The following ANKRD30BL variants were observed in gnomAD, a reference collection of about 807,000 sequenced individuals.
The protein encoded by ANKRD30BL is putative ankyrin repeat domain-containing protein 30B-like.
ANKRD30BL carries 20 observed loss-of-function variants against 18.4 expected under a neutral mutation model. The ratio of observed to expected loss-of-function variants is 1.09; its 90% confidence interval spans 0.77 to 1.58. The LOEUF (loss-of-function observed/expected upper bound fraction) is 1.58. ANKRD30BL is among the 40% of genes most tolerant of loss of function. The pLI, the probability that ANKRD30BL is intolerant of heterozygous loss-of-function variation, is 0.00. For missense variants in ANKRD30BL, 224 were observed against 268.6 expected, an observed-to-expected ratio of 0.83 and a Z score of 1.16; for synonymous variants, 72 against 100.9, an observed-to-expected ratio of 0.71 and a Z score of 1.72.
chr2:132,256,524 G>T (rs1485767852), intron 1 of ANKRD30BL, among the ~76,000 whole-genome samples: 1 of 152,220 alleles, frequency 6.6e-6, no homozygotes, highest in African/African-American at 2.4e-5. Context: ...GAGGCGGACC[G>T]CGGTGCCTGG....
chr2:132,225,224 C>A (rs1573863702), intron 1 of ANKRD30BL, among the ~76,000 whole-genome samples: 2 of 151,756 alleles, frequency 1.3e-5, no homozygotes, highest in Admixed American at 6.6e-5. Flanking sequence ...CAGAGTTGAT[C>A]CTTTCTTTTG....
At chr2:132,164,733 T>C (rs185545540), upstream of ANKRD30BL, among the ~76,000 whole-genome samples, 1 of 152,312 alleles carries the variant, frequency 6.6e-6, no homozygotes, top group Admixed American at 6.5e-5. Context: ...TTTGTTGTTG[T>C]TGTTGTTTTA....
intron 1 of ANKRD30BL, among the ~76,000 whole-genome samples, chr2:132,207,299 C>T (rs1679229438): frequency 6.6e-6 from 1 of 152,058 alleles, no homozygotes; most frequent in Non-Finnish European, 1.5e-5. Flanking sequence ...AGGAGATAAA[C>T]AAGTGTTTGT....
intron 1 of ANKRD30BL, among the ~76,000 whole-genome samples, chr2:132,248,461 C>A (rs2104805844): frequency 6.6e-6 from 1 of 150,788 alleles, no homozygotes; most frequent in East Asian, 2.0e-4. Flanking sequence ...TTTCACCATA[C>A]CTATCAAAGC....
intron 1 of ANKRD30BL, among the ~76,000 whole-genome samples, chr2:132,191,998 C>T (rs1259896730): frequency 6.6e-6 from 1 of 152,084 alleles, no homozygotes; most frequent in Non-Finnish European, 1.5e-5. Flanking sequence ...CCCACCTTGG[C>T]CTTCCAAAGT....
At chr2:132,162,372 C>T (rs1007049711), upstream of ANKRD30BL, among the ~76,000 whole-genome samples, 2 of 152,214 alleles carry the variant, frequency 1.3e-5, no homozygotes, top group Admixed American at 6.5e-5. Flanking sequence ...GCAGCTGAGC[C>T]CATGGTAGAG....
chr2:132,226,313 T>C (rs1679843030), intron 1 of ANKRD30BL, among the ~76,000 whole-genome samples: 1 of 151,082 alleles, frequency 6.6e-6, no homozygotes, highest in African/African-American at 2.5e-5. Context: ...AAGTGGATTC[T>C]TGGAGCGCTT....
At chr2:132,203,191 A>G (rs1679143156) in intron 1 of ANKRD30BL, among the ~76,000 whole-genome samples, 1 of 152,300 alleles carries the variant, frequency 6.6e-6, no homozygotes, top group African/African-American at 2.4e-5. Flanking sequence ...TGCAAAAGAC[A>G]TAGTGTGCCA....
intron 1 of ANKRD30BL, among the ~76,000 whole-genome samples, chr2:132,225,434 T>C (rs202023147): frequency 6.6e-6 from 1 of 152,122 alleles, no homozygotes; most frequent in African/African-American, 2.4e-5. Flanking sequence ...ACTCTTTTAG[T>C]GGAATCTGCA....
intron 1 of ANKRD30BL, among the ~76,000 whole-genome samples, chr2:132,230,556 T>C (rs1242165206): frequency 1.7e-4 from 26 of 152,062 alleles, no homozygotes; most frequent in Admixed American, 1.7e-3. Context: ...ACATAGCTTT[T>C]CATGGAGCAG....
upstream of ANKRD30BL, among the ~76,000 whole-genome samples, chr2:132,166,724 C>A (rs1283920753): frequency 1.3e-5 from 2 of 151,896 alleles, no homozygotes; most frequent in African/African-American, 4.8e-5. Context: ...TAAATGTTAG[C>A]AAGTTTATGG....
intron 1 of ANKRD30BL, among the ~76,000 whole-genome samples, chr2:132,187,586 T>C (rs1688591188): frequency 6.6e-6 from 1 of 152,084 alleles, no homozygotes; most frequent in African/African-American, 2.4e-5. Flanking sequence ...AATGCTGGGA[T>C]TACAGATGTG....
Position 132,161,668 on chromosome 2 carries a change from G to T in ANKRD30BL, c.38C>A (p.Thr13Lys). ...RLSAAPVKGQ[T>K]GPERPSPFSQ... Reference sequence around the variant, plus strand: ...GAAGGGGCTCGGGCGCTCTGGGCCCGTCTGGCCCTTGACAGGGGCGGCAGA... The same window carrying T: ...GAAGGGGCTCGGGCGCTCTGGGCCCTTCTGGCCCTTGACAGGGGCGGCAGA... The change falls in exon 1 of 6, where the codon ACG (threonine) becomes AAG (lysine). Residue 13 changes from threonine (T) to lysine (K), a missense_variant. This residue lies in a region of ANKRD30BL where 131 missense variants were observed against 128.8 expected (regional missense o/e 1.02). Coordinates refer to ENST00000409867, the MANE Select transcript of ANKRD30BL (RefSeq NM_001358416.1). 2 of 1,448,436 alleles carry T rather than the reference G, an allele frequency of 1.4e-6. No individual in the cohort carries two copies. Among genetic ancestry groups the T allele is most frequent in the Non-Finnish European group, 1.9e-6 (2 of 1,056,492 alleles). 89.7% of individuals were successfully genotyped at this position (1,448,436 alleles called of 1,614,324 possible). A position where few individuals can be genotyped will look rare whatever the true frequency, so the allele number is the denominator to read the frequency against.
At chr2:132,226,436 A>G (rs796424117) in intron 1 of ANKRD30BL, among the ~76,000 whole-genome samples, 1 of 150,432 alleles carries the variant, frequency 6.6e-6, no homozygotes, top group Non-Finnish European at 1.5e-5. Context: ...CTTCCTTTTG[A>G]TTGAGCAGTT....
chr2:132,189,818 A>G (rs2104736997), intron 1 of ANKRD30BL, among the ~76,000 whole-genome samples: 1 of 152,330 alleles, frequency 6.6e-6, no homozygotes, highest in African/African-American at 2.4e-5. Flanking sequence ...TAGTGACATC[A>G]ACTTGTCCCA....
chr2:132,254,803 T>C (rs1573901526), intron 1 of ANKRD30BL, among the ~76,000 whole-genome samples: 1 of 151,842 alleles, frequency 6.6e-6, no homozygotes, highest in African/African-American at 2.4e-5. Context: ...GTCACATAAC[T>C]AGTTGGCATG....
chr2:132,170,361 G>T (rs544772236), intron 1 of ANKRD30BL, among the ~76,000 whole-genome samples: 2 of 152,264 alleles, frequency 1.3e-5, no homozygotes, highest in South Asian at 4.1e-4. Context: ...AGTGAGTCCT[G>T]CTACCCAGCT....
At chr2:132,213,464 G>A (rs1679408446) in intron 1 of ANKRD30BL, among the ~76,000 whole-genome samples, 1 of 151,842 alleles carries the variant, frequency 6.6e-6, no homozygotes, top group Admixed American at 6.6e-5. Flanking sequence ...ATATGGTGGA[G>A]AAGGAAATAT....
intron 1 of ANKRD30BL, among the ~76,000 whole-genome samples, chr2:132,226,802 T>C (rs1343576812): frequency 1.3e-5 from 2 of 152,128 alleles, no homozygotes; most frequent in African/African-American, 2.4e-5. Context: ...AAAAACTCTT[T>C]TTGTAGATTC....
Sources: gnomAD v4.1 joint callset for allele counts (sites outside exome capture counted in the v4.1 genomes callset) on GRCh38, gnomAD v4.1.1 for gene constraint, gnomAD v4.1.1 regional missense constraint, MANE v1.5 for transcripts, NCBI Gene and HGNC (gene_info 2026-07-23, HGNC 2026-07-21) for gene names.